Variants in KIF14 observed in about 807,000 individuals in gnomAD.
KIF14 encodes kinesin family member 14, also known as kinesin-like protein KIF14.
In KIF14, 98 loss-of-function variants were observed where a neutral mutation model predicts 176.2. That is an observed-to-expected ratio of 0.56 (90% confidence interval 0.47 to 0.66). The LOEUF is 0.66. KIF14 is among the 30% of genes least tolerant of loss of function. The pLI is 0.00. For synonymous variants in KIF14, 566 were observed against 632.2 expected, an observed-to-expected ratio of 0.90 and a Z score of 1.57; for missense variants, 1,751 against 1,920.4, an observed-to-expected ratio of 0.91 and a Z score of 1.65.
Position 200,553,741 on chromosome 1 carries a change from GGAGA to G in KIF14, c.4590_4593del (p.Leu1531ArgfsTer32). The G allele has an allele frequency of 6.2e-7, 1 of 1,605,770 alleles. No individual in the cohort carries two copies. The highest frequency in any genetic ancestry group is 1.3e-5 in the African/African-American group (1 of 74,760). On this transcript the variant is annotated frameshift_variant, in exon 30 of 30. Transcript: ENST00000367350. LOFTEE classifies it low-confidence loss of function (END_TRUNC). ...TTGCGAATACTTTCAACACAAGTCT[GGAGA>G]AGATTTATATCACTATGGCATCCTA...
chr1:200,573,068 C>G (rs1420408830), intron 22 of KIF14, among the ~76,000 whole-genome samples: 1 of 152,150 alleles, frequency 6.6e-6, no homozygotes, highest in East Asian at 1.9e-4. Context: ...AATGCCCACC[C>G]ACCGTAATAG....
intron 10 of KIF14, among the ~76,000 whole-genome samples, chr1:200,602,611 T>C (rs1223446833): frequency 2.6e-5 from 4 of 152,202 alleles, no homozygotes; most frequent in Non-Finnish European, 4.4e-5. Flanking sequence ...AATCACATTG[T>C]AATAAACCAA....
chr1:200,559,275 A>G, intron 27 of KIF14, 55 bp downstream of exon 27: 1 of 1,164,876 alleles, frequency 8.6e-7, no homozygotes, highest in Non-Finnish European at 1.1e-6. Flanking sequence ...TGACTGAAAA[A>G]ATCAACTTTA....
chr1:200,562,894 T>A (rs1657239561), intron 25 of KIF14, among the ~76,000 whole-genome samples: 1 of 152,026 alleles, frequency 6.6e-6, no homozygotes, highest in Non-Finnish European at 1.5e-5. Context: ...CAAACATCTA[T>A]CACATAATGG....
rs771624909 is a variant in KIF14 at position 200,606,806 on chromosome 1, A to C, written c.1555-8T>G. The C allele has an allele frequency of 6.2e-6, 10 of 1,606,068 alleles. No individual in the cohort carries two copies. Among genetic ancestry groups the C allele is most frequent in the South Asian group, 2.2e-5 (2 of 90,924 alleles). On this transcript the variant is annotated splice_region_variant and splice_polypyrimidine_tract_variant and intron_variant, in intron 5 of 29. Coordinates refer to ENST00000367350, the MANE Select transcript of KIF14 (RefSeq NM_014875.3). ...ATGTTCCCTCACTCTCAGCTAGAAG[A>C]AGCAAATACATGCATCATTAGGAGT...
At chr1:200,563,988 G>T (rs562495831) in intron 25 of KIF14, among the ~76,000 whole-genome samples, 2 of 152,080 alleles carry the variant, frequency 1.3e-5, no homozygotes, top group Non-Finnish European at 2.9e-5. Flanking sequence ...TCAGCCGGGC[G>T]CAGTGGCTCA....
intron 19 of KIF14, 34 bp from the exon 20 acceptor site, chr1:200,581,328 C>T (rs1294261514): frequency 8.3e-6 from 10 of 1,205,940 alleles, no homozygotes; most frequent in South Asian, 2.7e-5. Context: ...ATTCAAAATA[C>T]ATACATGGAC....
Position 200,553,259 on chromosome 1 carries a change from A to G in KIF14, c.*129T>C. The stretch of plus-strand genomic sequence containing the variant: ...CCTTTGATAAATAGATATTTTAAAG[A>G]TAAAAAGACATGGACTTTTTTGAAA... On this transcript the variant is annotated 3_prime_UTR_variant, in exon 30 of 30. Coordinates refer to ENST00000367350, the MANE Select transcript of KIF14 (RefSeq NM_014875.3). The G allele has an allele frequency of 1.0e-6, 1 of 994,464 alleles. No individual in the cohort carries two copies. 61.6% of individuals were successfully genotyped at this position (994,464 alleles called of 1,614,324 possible).
chr1:200,608,312 G>A (rs1036237044), intron 5 of KIF14, among the ~76,000 whole-genome samples: 19 of 151,442 alleles, frequency 1.3e-4, no homozygotes, highest in African/African-American at 4.4e-4. Flanking sequence ...AAAATAAAGA[G>A]GTTAAATCTG....
chr1:200,561,881 A>AT (rs1657181974), intron 25 of KIF14, among the ~76,000 whole-genome samples: 1 of 152,148 alleles, frequency 6.6e-6, no homozygotes, highest in Non-Finnish European at 1.5e-5. Context: ...TAAAGATATG[A>AT]TTTTCTCAAG....
At chr1:200,557,472 T>C (rs577100605) in intron 27 of KIF14, among the ~76,000 whole-genome samples, 2 of 152,228 alleles carry the variant, frequency 1.3e-5, no homozygotes, top group Non-Finnish European at 2.9e-5. Context: ...AGAACAATTT[T>C]ATGAAATAAG....
chr1:200,577,917 A>G (rs937425782), intron 21 of KIF14, among the ~76,000 whole-genome samples: 6 of 151,698 alleles, frequency 4.0e-5, no homozygotes, highest in Admixed American at 3.9e-4. Context: ...TACCCATAAG[A>G]ATGTCTGAGA....
chr1:200,565,406 T>A (rs1464357996), intron 24 of KIF14, 39 bp downstream of exon 24: 3 of 1,496,546 alleles, frequency 2.0e-6, no homozygotes, highest in Non-Finnish European at 2.7e-6. Flanking sequence ...CAGAAAATAA[T>A]CATTTATGTG....
rs1656651169 is a variant in KIF14 at position 200,553,385 on chromosome 1, T to G, written c.*3A>C. The G allele has an allele frequency of 5.0e-6, 8 of 1,596,466 alleles. No individual in the cohort carries two copies. Among genetic ancestry groups the G allele is most frequent in the Non-Finnish European group, 6.8e-6 (8 of 1,172,636 alleles). On this transcript the variant is annotated 3_prime_UTR_variant, in exon 30 of 30. Transcript: ENST00000367350. ...GGTCATAAAAGTGCCTACACATCAG[T>G]ATTCACACCCACTGAATCCTACTGG... is the stretch of plus-strand genomic sequence containing the variant.
rs188264564 is a variant in KIF14, at chr1:200,579,619, T to A, written c.3465+635A>T. On this transcript the variant is annotated intron_variant, in intron 21 of 29. Transcript: ENST00000367350. ...AGTGAAATTCCATTTCAAAAAAATATATATATATATATTTGTAAAATGCAA... is the reference window on the plus strand; with the variant it reads ...AGTGAAATTCCATTTCAAAAAAATAAATATATATATATTTGTAAAATGCAA... Among the ~76,000 whole-genome samples, 527 of 131,816 alleles carry A rather than the reference T, an allele frequency of 4.0e-3. 4 individuals carry two copies. Among genetic ancestry groups the A allele is most frequent in the African/African-American group, 0.012 (472 of 39,992 alleles). The allele number at this position is 131,816 out of a possible 152,430, so 86.5% of individuals were successfully genotyped here. A position where few individuals can be genotyped will look rare whatever the true frequency, so the allele number is the denominator to read the frequency against.
intron 4 of KIF14, among the ~76,000 whole-genome samples, chr1:200,612,915 T>C (rs140453267): frequency 0.11 from 13,641 of 129,664 alleles, 878 homozygotes; most frequent in Non-Finnish European, 0.14. Flanking sequence ...TGAGATGGAG[T>C]CATGCTCTGT....
chr1:200,602,731 A>G (rs192905097), intron 10 of KIF14, among the ~76,000 whole-genome samples: 10 of 152,338 alleles, frequency 6.6e-5, no homozygotes, highest in African/African-American at 2.4e-4. Flanking sequence ...TGAATGTAAC[A>G]TATTGAAAAT....
At chr1:200,572,419 A>G (rs1657845652) in intron 22 of KIF14, among the ~76,000 whole-genome samples, 1 of 152,118 alleles carries the variant, frequency 6.6e-6, no homozygotes, top group East Asian at 1.9e-4. Context: ...ATCTTGGCTC[A>G]CTGCAAGCTC....
intron 13 of KIF14, among the ~76,000 whole-genome samples, chr1:200,598,627 C>T (rs777886870): frequency 1.3e-5 from 2 of 152,116 alleles, no homozygotes; most frequent in African/African-American, 4.8e-5. Flanking sequence ...GGCACGATCT[C>T]GGCTCACTGC....
Sources: allele counts gnomAD v4.1 joint callset (sites outside exome capture counted in the v4.1 genomes callset), GRCh38; gene constraint gnomAD v4.1.1; transcripts MANE v1.5; gene names NCBI Gene and HGNC (gene_info 2026-07-23, HGNC 2026-07-21).